Variants in NEK11 observed in about 807,000 individuals in gnomAD.
The protein encoded by NEK11 is serine/threonine-protein kinase Nek11.
NEK11 carries 72 observed loss-of-function variants against 80.7 expected under a neutral mutation model. That is an observed-to-expected ratio of 0.89 (90% CI 0.74 to 1.08). The LOEUF (loss-of-function observed/expected upper bound fraction) is 1.08. Ranked by LOEUF, NEK11 falls within the 50% of genes least tolerant of loss-of-function variation. The probability of loss-of-function intolerance (pLI) is 0.00; values close to 1 mark genes in which losing one functional copy is unlikely to be tolerated. For missense variants in NEK11, 764 were observed against 763.6 expected (o/e 1.00, Z -0.01); for synonymous variants, 251 against 260.7 (o/e 0.96, Z 0.36).
chr3:131,324,951 A>G (rs575614200), intron 17 of NEK11: 1 of 152,350 alleles, frequency 6.6e-6, no homozygotes, highest in African/African-American at 2.4e-5. Context: ...CTCCAATATT[A>G]TAAAATATCC....
intron 16 of NEK11, among the ~76,000 whole-genome samples, chr3:131,245,285 G>A (rs1188876442): frequency 1.4e-5 from 2 of 144,742 alleles, no homozygotes; most frequent in East Asian, 4.0e-4. Flanking sequence ...TTTTTTTGTG[G>A]TTGAATAGTA....
rs1580770703 is a variant in NEK11 at position 131,243,556 on chromosome 3, C to T, written c.1621+60C>T. Reference sequence around the variant, plus strand: ...ACAGCTACTGATTATCTTGGAATAACTTGGAAGAAATCTTACAGGTGTTTA... The same window carrying T: ...ACAGCTACTGATTATCTTGGAATAATTTGGAAGAAATCTTACAGGTGTTTA... On this transcript the variant is annotated intron_variant, in intron 16 of 17. Transcript: ENST00000383366. 7 of 1,408,036 alleles carry T rather than the reference C, an allele frequency of 5.0e-6. No individual in the cohort carries two copies. The East Asian group carries it at 1.6e-4, about 32-fold the overall frequency. 87.2% of individuals were successfully genotyped at this position (1,408,036 alleles called of 1,614,324 possible).
chr3:131,115,962 C>CTTTCTT lies in NEK11; in HGVS notation c.455+6043_455+6048dup, dbSNP rs200577213. 1.1e-4 allele frequency among the ~76,000 whole-genome samples: 15 copies of CTTTCTT among 140,992 alleles called. No homozygotes were observed. In the East Asian group the frequency reaches 2.4e-3, roughly 23 times the overall value. 92.5% of individuals were successfully genotyped at this position (140,992 alleles called of 152,430 possible). A position where few individuals can be genotyped will look rare whatever the true frequency, so the allele number is the denominator to read the frequency against. On this transcript the variant is annotated intron_variant, in intron 5 of 17. Coordinates refer to ENST00000383366, the MANE Select transcript of NEK11 (RefSeq NM_024800.5). ...TCTTTCTTTCTTTCTTTCTTTCTTT[C>CTTTCTT]TTTCTTTCTTTCTTTCTTTCTTTCT... is the stretch of plus-strand genomic sequence containing the variant.
At chr3:131,284,849 A>G (rs946059136) in intron 17 of NEK11, among the ~76,000 whole-genome samples, 3 of 152,180 alleles carry the variant, frequency 2.0e-5, no homozygotes, top group Non-Finnish European at 4.4e-5. Flanking sequence ...CACAGACTGA[A>G]GGCTGCACTG....
chr3:131,279,521 C>T (rs72991562), intron 17 of NEK11, among the ~76,000 whole-genome samples: 19,366 of 152,034 alleles, frequency 0.13, 1,781 homozygotes, highest in East Asian at 0.3. Context: ...TGCAAATAGT[C>T]GTATAATTAT....
intron 14 of NEK11, among the ~76,000 whole-genome samples, chr3:131,223,663 GC>G (rs1317701584): frequency 1.3e-5 from 2 of 152,134 alleles, no homozygotes; most frequent in Non-Finnish European, 2.9e-5. Context: ...CACGTAATCT[GC>G]AAAGCCTAAA....
intron 17 of NEK11, among the ~76,000 whole-genome samples, chr3:131,288,450 C>CTTTCTTTCTTTTTT (rs536834704): frequency 5.2e-5 from 6 of 115,398 alleles, no homozygotes; most frequent in African/African-American, 1.9e-4. Context: ...TTCTTTCTTT[C>CTTTCTTTCTTTTTT]TTTTTTTTTT....
At chr3:131,052,267 A>G (rs1489440641) in intron 3 of NEK11, among the ~76,000 whole-genome samples, 1 of 151,476 alleles carries the variant, frequency 6.6e-6, no homozygotes, top group South Asian at 2.1e-4. Context: ...TTGTAGTATA[A>G]TTTATTTAAC....
chr3:131,082,506 A>G (rs1268647597), intron 4 of NEK11, among the ~76,000 whole-genome samples: 2 of 152,206 alleles, frequency 1.3e-5, no homozygotes, highest in Non-Finnish European at 2.9e-5. Context: ...TGTGCTGTCT[A>G]ATATAGTAGT....
intron 16 of NEK11, among the ~76,000 whole-genome samples, chr3:131,255,012 C>T (rs2095780232): frequency 6.9e-6 from 1 of 145,548 alleles, no homozygotes; most frequent in African/African-American, 2.6e-5. Context: ...AAGAGCAAGA[C>T]TCCATCTAAG....
chr3:131,312,780 G>T (rs1447417272), intron 17 of NEK11, among the ~76,000 whole-genome samples: 1 of 151,932 alleles, frequency 6.6e-6, no homozygotes, highest in African/African-American at 2.4e-5. Flanking sequence ...AGTTCAAATA[G>T]GAAGGCTAAA....
chr3:131,145,709 G>A (rs576881889), intron 7 of NEK11, among the ~76,000 whole-genome samples: 1 of 152,122 alleles, frequency 6.6e-6, no homozygotes, highest in Non-Finnish European at 1.5e-5. Flanking sequence ...GGATAGCATA[G>A]AGAGTCTGTG....
At chr3:131,156,324 C>T (rs1478131389) in intron 10 of NEK11, among the ~76,000 whole-genome samples, 1 of 152,208 alleles carries the variant, frequency 6.6e-6, no homozygotes, top group Non-Finnish European at 1.5e-5. Flanking sequence ...GAACTGTCCT[C>T]AGAGGTCATT....
intron 17 of NEK11, among the ~76,000 whole-genome samples, chr3:131,286,959 A>C (rs2096479896): frequency 6.6e-6 from 1 of 152,214 alleles, no homozygotes; most frequent in African/African-American, 2.4e-5. Context: ...GCACAAACAG[A>C]GCGGCCAGAA....
At chr3:131,134,784 A>G (rs553539041) in intron 7 of NEK11, among the ~76,000 whole-genome samples, 1 of 152,314 alleles carries the variant, frequency 6.6e-6, no homozygotes, top group East Asian at 1.9e-4. Flanking sequence ...CTTATATTAA[A>G]GGAATTTCTC....
intron 16 of NEK11, among the ~76,000 whole-genome samples, chr3:131,265,507 T>C (rs145288680): frequency 1.1e-3 from 161 of 152,334 alleles, no homozygotes; most frequent in African/African-American, 3.8e-3. Context: ...GTTTAAGTAA[T>C]GGATTACTTT....
Position 131,290,722 on chromosome 3 carries a change from A to G in NEK11, c.1718+17148A>G, listed in dbSNP as rs2096534903. Reference sequence around the variant, plus strand: ...GCACCTAGATTTCTACTAGTATGCCAAACTCTGTAAGATCAGATAACTGCC... The same window carrying G: ...GCACCTAGATTTCTACTAGTATGCCGAACTCTGTAAGATCAGATAACTGCC... On this transcript the variant is annotated intron_variant, in intron 17 of 17. Coordinates refer to ENST00000383366, the MANE Select transcript of NEK11 (RefSeq NM_024800.5). Among the ~76,000 whole-genome samples the G allele has an allele frequency of 2.0e-5, 3 of 152,340 alleles. No homozygotes were observed. The South Asian group carries it at 6.2e-4, about 32-fold the overall frequency.
chr3:131,137,318 C>T (rs1450360782), intron 7 of NEK11, among the ~76,000 whole-genome samples: 1 of 152,116 alleles, frequency 6.6e-6, no homozygotes, highest in Non-Finnish European at 1.5e-5. Context: ...CATGGAAGAA[C>T]ATTTCCAGGG....
intron 4 of NEK11, among the ~76,000 whole-genome samples, chr3:131,088,521 A>G (rs1004118130): frequency 2.0e-5 from 3 of 152,220 alleles, no homozygotes; most frequent in African/African-American, 7.2e-5. Context: ...TAGCTGTCAT[A>G]TGAATTTATA....
Sources: gnomAD v4.1 joint callset for allele counts (sites outside exome capture counted in the v4.1 genomes callset) on GRCh38, gnomAD v4.1.1 for gene constraint, MANE v1.5 for transcripts, NCBI Gene and HGNC (gene_info 2026-07-23, HGNC 2026-07-21) for gene names.